The following ZNF423 variants were observed in gnomAD, a reference collection of about 807,000 sequenced individuals.
ZNF423 encodes zinc finger protein 423, also known as Ebf-associated zinc finger protein.
Under a neutral mutation model 95.8 loss-of-function variants are expected in ZNF423, and 12 were observed. That is an observed-to-expected ratio of 0.13 (90% CI 0.08 to 0.20). The LOEUF (loss-of-function observed/expected upper bound fraction) is 0.20, where lower values mean the gene tolerates loss of function less well. Ranked by LOEUF, ZNF423 falls within the 10% of genes least tolerant of loss-of-function variation. The pLI is 1.00. For synonymous variants in ZNF423, 749 were observed against 711.9 expected, an observed-to-expected ratio of 1.05 and a Z score of -0.83; for missense variants, 1,316 against 1,737.1, an observed-to-expected ratio of 0.76 and a Z score of 4.31.
intron 3 of ZNF423, among the ~76,000 whole-genome samples, chr16:49,709,168 T>TTTTATATATATATATATA (rs68002485): frequency 8.6e-5 from 8 of 93,418 alleles, no homozygotes; most frequent in African/African-American, 3.9e-4. Context: ...CAGCAGCCGT[T>TTTTATATATATATATATA]TATATATATA....
rs557492390 is a variant in ZNF423 at position 49,818,216 on chromosome 16, C to T, written c.41-28670G>A. Among the ~76,000 whole-genome samples, 72 of 152,240 alleles carry T rather than the reference C, an allele frequency of 4.7e-4. 1 individual carries two copies. Among genetic ancestry groups the T allele is most frequent in the African/African-American group, 1.7e-3 (70 of 41,536 alleles). Reference sequence around the variant, plus strand: ...TAGCATCACACCCACACCTACCTTTCCTAGAGCAAAGCCATATAAAAATAC... The same window carrying T: ...TAGCATCACACCCACACCTACCTTTTCTAGAGCAAAGCCATATAAAAATAC... On this transcript the variant is annotated intron_variant, in intron 1 of 7. Coordinates refer to ENST00000563137, the MANE Select transcript of ZNF423 (RefSeq NM_001379286.1).
At chr16:49,737,517 C>T (rs2033315201) in intron 2 of ZNF423, among the ~76,000 whole-genome samples, 1 of 152,222 alleles carries the variant, frequency 6.6e-6, no homozygotes, top group Non-Finnish European at 1.5e-5. Context: ...GCCTCGGCCT[C>T]CCGAAGTGCT....
At chr16:49,558,661 C>T (rs1250023802) in intron 5 of ZNF423, among the ~76,000 whole-genome samples, 1 of 152,208 alleles carries the variant, frequency 6.6e-6, no homozygotes, top group African/African-American at 2.4e-5. Context: ...CACACACACG[C>T]ACACACTTGT....
intron 1 of ZNF423, among the ~76,000 whole-genome samples, chr16:49,846,520 C>T (rs2035248073): frequency 6.6e-6 from 1 of 152,170 alleles, no homozygotes; most frequent in Non-Finnish European, 1.5e-5. Flanking sequence ...AAATGTGTGT[C>T]TGGCCCCTGG....
intron 5 of ZNF423, among the ~76,000 whole-genome samples, chr16:49,543,419 G>T (rs948505249): frequency 2.0e-5 from 3 of 151,998 alleles, no homozygotes; most frequent in African/African-American, 7.3e-5. Context: ...CCCACCCATC[G>T]ACTGGCCTAA....
At chr16:49,643,888 G>A (rs1027977290) in intron 3 of ZNF423, among the ~76,000 whole-genome samples, 7 of 152,208 alleles carry the variant, frequency 4.6e-5, no homozygotes, top group African/African-American at 1.4e-4. Context: ...TTCAGAACAC[G>A]TCAGCAGCAG....
At chr16:49,633,182 G>A (rs989912552) in intron 4 of ZNF423, among the ~76,000 whole-genome samples, 2 of 152,220 alleles carry the variant, frequency 1.3e-5, no homozygotes, top group African/African-American at 4.8e-5. Context: ...CCTCATTGTG[G>A]TATGCCTCAG....
At chr16:49,669,616 C>G (rs1312091364) in intron 3 of ZNF423, among the ~76,000 whole-genome samples, 1 of 152,206 alleles carries the variant, frequency 6.6e-6, no homozygotes, top group African/African-American at 2.4e-5. Flanking sequence ...AGGAGTTGGA[C>G]CTAGAGACCC....
At chr16:49,835,680 G>C (rs888183330) in intron 1 of ZNF423, among the ~76,000 whole-genome samples, 5 of 152,196 alleles carry the variant, frequency 3.3e-5, no homozygotes, top group Non-Finnish European at 7.3e-5. Context: ...CAAGCAACTC[G>C]ATATGGTCCA....
intron 2 of ZNF423, among the ~76,000 whole-genome samples, chr16:49,756,068 G>A (rs1006974939): frequency 6.6e-6 from 1 of 152,190 alleles, no homozygotes; most frequent in East Asian, 1.9e-4. Context: ...GAAGAAATAG[G>A]GAGCCACTGG....
intron 7 of ZNF423, among the ~76,000 whole-genome samples, chr16:49,499,349 C>T (rs1411542638): frequency 6.6e-6 from 1 of 152,248 alleles, no homozygotes; most frequent in Non-Finnish European, 1.5e-5. Flanking sequence ...CAACGCTCAG[C>T]CAGGGAAGCT....
At chr16:49,583,932 C>G (rs1970745884) in intron 5 of ZNF423, among the ~76,000 whole-genome samples, 2 of 152,168 alleles carry the variant, frequency 1.3e-5, no homozygotes, top group African/African-American at 4.8e-5. Context: ...GAAGTTGGAG[C>G]CTGGGGTGCT....
chr16:49,608,898 C>T (rs549117483), intron 5 of ZNF423, among the ~76,000 whole-genome samples: 1 of 152,296 alleles, frequency 6.6e-6, no homozygotes, highest in South Asian at 2.1e-4. Context: ...TAATGAGGCA[C>T]TCACCGCCCG....
At chr16:49,643,626 T>C (rs1411594983) in intron 3 of ZNF423, among the ~76,000 whole-genome samples, 1 of 138,934 alleles carries the variant, frequency 7.2e-6, no homozygotes, top group Non-Finnish European at 1.5e-5. Context: ...GACAGACCCA[T>C]GCTTCCCCTG....
intron 3 of ZNF423, among the ~76,000 whole-genome samples, chr16:49,728,527 T>C (rs2033085203): frequency 6.6e-6 from 1 of 152,144 alleles, no homozygotes; most frequent in South Asian, 2.1e-4. Flanking sequence ...TAAGGACAGC[T>C]GGGGACCCTG....
At chr16:49,842,961 G>C (rs73569800) in intron 1 of ZNF423, among the ~76,000 whole-genome samples, 29,898 of 141,104 alleles carry the variant, frequency 0.21, 3,116 homozygotes, top group African/African-American at 0.28. Context: ...CCTGGCAACA[G>C]AGCAAGACTC....
chr16:49,710,339 G>A (rs9930008), intron 3 of ZNF423, among the ~76,000 whole-genome samples: 19,549 of 152,138 alleles, frequency 0.13, 1,979 homozygotes, highest in South Asian at 0.28. Context: ...TTGCTACTCC[G>A]GTGTGGTTCA....
chr16:49,569,850 C>A lies in ZNF423; in HGVS notation c.3602-44356G>T, dbSNP rs150490212. Among the ~76,000 whole-genome samples the A allele has an allele frequency of 3.9e-3, 598 of 152,316 alleles. 3 individuals are homozygous for A. The highest frequency in any genetic ancestry group is 6.9e-3 in the Non-Finnish European group (471 of 68,036). On this transcript the variant is annotated intron_variant, in intron 5 of 7. Transcript: ENST00000563137. ...GTAAGTGCTTTCCATTTGTTAAATT[C>A]ATTTAATCCTCACAGCAGCCTAGGA...
intron 2 of ZNF423, among the ~76,000 whole-genome samples, chr16:49,761,333 A>T (rs764167109): frequency 5.3e-5 from 8 of 152,218 alleles, no homozygotes; most frequent in Non-Finnish European, 7.4e-5. Context: ...TACAGAGGAA[A>T]GCAAACCTGG....
Sources: gnomAD v4.1 joint callset for allele counts (sites outside exome capture counted in the v4.1 genomes callset) on GRCh38, gnomAD v4.1.1 for gene constraint, MANE v1.5 for transcripts, NCBI Gene and HGNC (gene_info 2026-07-23, HGNC 2026-07-21) for gene names.